The following HOMER2 variants were observed in gnomAD, a reference collection of about 807,000 sequenced individuals.
HOMER2 encodes the protein homer scaffold protein 2.
Under a neutral mutation model 47.0 loss-of-function variants are expected in HOMER2, and 27 were observed. That is an observed-to-expected ratio of 0.57 (90% CI 0.42 to 0.79). HOMER2 has a LOEUF of 0.79. Ranked by LOEUF, HOMER2 falls within the 30% of genes least tolerant of loss-of-function variation. The pLI is 0.00. For missense variants in HOMER2, 443 were observed against 435.0 expected (o/e 1.02, Z -0.16); for synonymous variants, 161 against 163.8 (o/e 0.98, Z 0.13).
rs140909769 is a variant in HOMER2 at position 82,943,939 on chromosome 15, T to C, written c.5+8592A>G. ...CTCTCACCCTGACTCCTCTGGCTAG[T>C]GGCAAAGCCTCATCCTAAGCTTGTC... On this transcript the variant is annotated intron_variant, in intron 1 of 8. Transcript: ENST00000450735. 2.4e-3 allele frequency among the ~76,000 whole-genome samples: 362 copies of C among 152,322 alleles called. 3 individuals are homozygous for C. The highest frequency in any genetic ancestry group is 8.4e-3 in the African/African-American group (348 of 41,570).
chr15:82,922,453 T>C (rs892584599), intron 1 of HOMER2, among the ~76,000 whole-genome samples: 2 of 152,196 alleles, frequency 1.3e-5, no homozygotes, highest in Non-Finnish European at 2.9e-5. Context: ...TTACAAAGCC[T>C]CAAGTTTAAA....
chr15:82,930,513 A>T (rs2053980117), intron 1 of HOMER2, among the ~76,000 whole-genome samples: 1 of 152,160 alleles, frequency 6.6e-6, no homozygotes, highest in Non-Finnish European at 1.5e-5. Context: ...CCTGAAGATA[A>T]AGTAGCCTTT....
chr15:82,902,031 T>C (rs1410218749), intron 1 of HOMER2, among the ~76,000 whole-genome samples: 1 of 152,172 alleles, frequency 6.6e-6, no homozygotes, highest in Admixed American at 6.5e-5. Context: ...TGTCTCAGGA[T>C]TTCAACATAT....
At chr15:82,940,782 A>G (rs1181274824) in intron 1 of HOMER2, among the ~76,000 whole-genome samples, 1 of 151,798 alleles carries the variant, frequency 6.6e-6, no homozygotes, top group Non-Finnish European at 1.5e-5. Context: ...GGCCCCAGCT[A>G]CTCAGGAGGT....
At chr15:82,915,012 A>G (rs2053547474) in intron 1 of HOMER2, among the ~76,000 whole-genome samples, 1 of 152,142 alleles carries the variant, frequency 6.6e-6, no homozygotes, top group African/African-American at 2.4e-5. Context: ...AATGTGACAA[A>G]AAATACAAAA....
At chr15:82,882,012 T>C (rs1323755257) in intron 2 of HOMER2, among the ~76,000 whole-genome samples, 1 of 152,346 alleles carries the variant, frequency 6.6e-6, no homozygotes, top group Non-Finnish European at 1.5e-5. Flanking sequence ...TCAAGTGCTG[T>C]GATGGCTCAA....
chr15:82,969,066 A>T (rs2029897438), intron 1 of HOMER2, among the ~76,000 whole-genome samples: 1 of 152,218 alleles, frequency 6.6e-6, no homozygotes, highest in Non-Finnish European at 1.5e-5. Context: ...TCATTGAGGA[A>T]ATTCAGAAAG....
chr15:82,843,693 C>CA (rs1355200922), exon 2 of HOMER2: 6 of 151,588 alleles, frequency 4.0e-5, no homozygotes, highest in Non-Finnish European at 1.5e-5. Flanking sequence ...ACATTTTAAC[C>CA]AAAAAAATAT....
intron 1 of HOMER2, among the ~76,000 whole-genome samples, chr15:82,975,172 CA>C (rs1292649075): frequency 1.3e-5 from 2 of 152,212 alleles, no homozygotes; most frequent in African/African-American, 4.8e-5. Context: ...GGTATCATCT[CA>C]CCCCAGTTAA....
At chr15:82,948,483 A>C (rs2054431528) in intron 1 of HOMER2, among the ~76,000 whole-genome samples, 1 of 152,072 alleles carries the variant, frequency 6.6e-6, no homozygotes, top group African/African-American at 2.4e-5. Context: ...GAATCGCTTG[A>C]ACCTGGGAGG....
Position 82,892,858 on chromosome 15 carries a change from G to T in HOMER2, c.6-17C>A. 6.6e-7 allele frequency: 1 copy of T among 1,508,230 alleles called. No individual in the cohort carries two copies. The highest frequency in any genetic ancestry group is 9.0e-7 in the Non-Finnish European group (1 of 1,113,334). The allele number at this position is 1,508,230 out of a possible 1,614,324, so 93.4% of individuals were successfully genotyped here. A position where few individuals can be genotyped will look rare whatever the true frequency, so the allele number is the denominator to read the frequency against. On this transcript the variant is annotated splice_polypyrimidine_tract_variant and intron_variant, in intron 1 of 8. Transcript: ENST00000450735. ...GGCTGTTCTCTGCAATAAGAGAGTG[G>T]GCGTGTGAGTTGAGAGAACATGACT...
intron 1 of HOMER2, among the ~76,000 whole-genome samples, chr15:82,903,503 G>A (rs912851303): frequency 5.9e-5 from 9 of 152,056 alleles, no homozygotes; most frequent in African/African-American, 1.7e-4. Context: ...TGTAATCCCA[G>A]CTACTCGGGA....
chr15:82,901,653 G>A (rs2053122213), intron 1 of HOMER2, among the ~76,000 whole-genome samples: 2 of 152,220 alleles, frequency 1.3e-5, no homozygotes, highest in Non-Finnish European at 2.9e-5. Context: ...AGGAGATGAG[G>A]TCTCAGGGAG....
chr15:82,907,745 A>T (rs953614576), intron 1 of HOMER2, among the ~76,000 whole-genome samples: 8 of 152,222 alleles, frequency 5.3e-5, no homozygotes, highest in African/African-American at 1.9e-4. Flanking sequence ...ACACACCTCA[A>T]CAAATTTAGA....
intron 2 of HOMER2, among the ~76,000 whole-genome samples, chr15:82,892,425 C>G (rs1478330675): frequency 1.3e-5 from 2 of 152,144 alleles, no homozygotes. Context: ...ACTTAAATAT[C>G]CAACCACGGG....
At chr15:82,856,203 A>G (rs1291054917) in intron 5 of HOMER2, among the ~76,000 whole-genome samples, 3 of 152,246 alleles carry the variant, frequency 2.0e-5, no homozygotes, top group African/African-American at 7.2e-5. Context: ...TTAGGGAAAT[A>G]GCTTCCTGCC....
intron 1 of HOMER2, among the ~76,000 whole-genome samples, chr15:82,983,751 G>A (rs943177244): frequency 4.6e-5 from 7 of 151,326 alleles, no homozygotes; most frequent in Non-Finnish European, 1.0e-4. Context: ...GACCACGCCC[G>A]GCTAATTTTT....
intron 1 of HOMER2, among the ~76,000 whole-genome samples, chr15:82,943,673 G>A (rs2054312007): frequency 6.6e-6 from 1 of 152,252 alleles, no homozygotes; most frequent in Non-Finnish European, 1.5e-5. Context: ...TCACTCATCA[G>A]GTCCCTGTGG....
At chr15:82,871,018 C>T (rs2052158705) in intron 3 of HOMER2, among the ~76,000 whole-genome samples, 2 of 152,246 alleles carry the variant, frequency 1.3e-5, no homozygotes, top group Non-Finnish European at 2.9e-5. Context: ...CTCCTTCTGT[C>T]TCCTTTCATA....
Sources: allele counts gnomAD v4.1 joint callset (sites outside exome capture counted in the v4.1 genomes callset), GRCh38; gene constraint gnomAD v4.1.1; transcripts MANE v1.5; gene names NCBI Gene and HGNC (gene_info 2026-07-23, HGNC 2026-07-21).